Variants in ORC1 observed in about 807,000 individuals in gnomAD.
ORC1 encodes the protein origin recognition complex, subunit 1 homolog.
Under a neutral mutation model 98.9 loss-of-function variants are expected in ORC1, and 61 were observed. The observed-to-expected ratio is 0.62, with a 90% CI of 0.50 to 0.76. The LOEUF is 0.76. Ranked by LOEUF, ORC1 falls within the 30% of genes least tolerant of loss-of-function variation. ORC1 has a pLI of 0.00. For synonymous variants in ORC1, 385 were observed against 406.9 expected (o/e 0.95, Z 0.65); for missense variants, 979 against 1,072.2 (o/e 0.91, Z 1.21).
upstream of ORC1, chr1:52,408,765 T>C (rs1569975368): frequency 2.9e-5 from 44 of 1,543,258 alleles, no homozygotes; most frequent in East Asian, 9.7e-4. Context: ...TACCTTTGCA[T>C]TGTCATAGAC....
intron 4 of ORC1, among the ~76,000 whole-genome samples, chr1:52,397,421 T>G (rs1046808699): frequency 6.6e-6 from 1 of 152,090 alleles, no homozygotes; most frequent in Non-Finnish European, 1.5e-5. Flanking sequence ...AAATATAACA[T>G]CCCCCTGAGA....
chr1:52,389,198 T>A lies in ORC1; in HGVS notation c.1187+19A>T, dbSNP rs778578804. 3.2e-6 allele frequency: 5 copies of A among 1,569,722 alleles called. No homozygotes were observed. Among genetic ancestry groups the A allele is most frequent in the Non-Finnish European group, 4.4e-6 (5 of 1,139,618 alleles). ...GAGATGGCAGCAATGTTTCTCTGCCTGCCAAGGAGTAGTCTTACCGAAGCT... is the reference window on the plus strand; with the variant it reads ...GAGATGGCAGCAATGTTTCTCTGCCAGCCAAGGAGTAGTCTTACCGAAGCT... On this transcript the variant is annotated intron_variant, in intron 7 of 16. Transcript: ENST00000371568.
At chr1:52,383,984 C>G (rs750741836) in intron 11 of ORC1, 47 bp from the exon 12 acceptor site, 1 of 1,506,826 alleles carries the variant, frequency 6.6e-7, no homozygotes, top group Non-Finnish European at 9.2e-7. Context: ...GGGTCTTACT[C>G]CCTTGGGCTT....
At chr1:52,404,583 C>G (rs538609147), upstream of ORC1, 71 of 613,272 alleles carry the variant, frequency 1.2e-4, no homozygotes, top group Admixed American at 2.1e-4. Context: ...ATAGGCGACG[C>G]GGGGAGCGGA....
At chr1:52,398,099 G>C (rs1442580880) in intron 3 of ORC1, among the ~76,000 whole-genome samples, 2 of 151,864 alleles carry the variant, frequency 1.3e-5, no homozygotes, top group African/African-American at 4.8e-5. Flanking sequence ...GAGTAGCTGA[G>C]ATTACAGGCA....
At chr1:52,396,650 A>G (rs1647413548) in intron 4 of ORC1, among the ~76,000 whole-genome samples, 2 of 152,044 alleles carry the variant, frequency 1.3e-5, no homozygotes, top group African/African-American at 2.4e-5. Context: ...TTCATCTCTC[A>G]ATTCCTATTA....
Position 52,393,777 on chromosome 1 carries a change from G to T in ORC1, c.748C>A (p.Gln250Lys). The T allele has an allele frequency of 1.9e-6, 3 of 1,613,752 alleles. No homozygotes were observed. The highest frequency in any genetic ancestry group is 2.5e-6 in the Non-Finnish European group (3 of 1,180,002). Residue 250 changes from glutamine (Q) to lysine (K), a missense_variant, in exon 6 of 17, where the codon CAG (glutamine) becomes AAG (lysine). Gln to Lys is a moderately conservative substitution (Grantham distance 53, BLOSUM62 1). Coordinates refer to ENST00000371568, the MANE Select transcript of ORC1 (RefSeq NM_004153.4). ...GAATCCAAGGAGGCACATGAAGTCT[G>T]CTGGGACATCTGAGGGTTACCTAAG... is the stretch of plus-strand genomic sequence containing the variant. ...GNLGNPQMSQ[Q>K]TSCASLDSPG...
Position 52,397,798 on chromosome 1 carries a change from C to T in ORC1, c.289G>A (p.Ala97Thr), listed in dbSNP as rs370667339. The T allele has an allele frequency of 1.2e-6, 2 of 1,614,178 alleles. No individual in the cohort carries two copies. The highest frequency in any genetic ancestry group is 2.2e-5 in the South Asian group (2 of 91,082). Residue 97 changes from alanine (A) to threonine (T), a missense_variant, in exon 4 of 17, where the codon GCC becomes ACC. By Grantham distance (58) the Ala-to-Thr change is moderately conservative. Coordinates refer to ENST00000371568, the MANE Select transcript of ORC1 (RefSeq NM_004153.4). ...QWFVRFCEVP[A>T]CKRHLLGRKP... ...CGGCCCAACAAATGCCGTTTACAGGCAGGGACTTCACAGAATCGGACAAAC... is the reference window on the plus strand; with the variant it reads ...CGGCCCAACAAATGCCGTTTACAGGTAGGGACTTCACAGAATCGGACAAAC...
At chr1:52,394,826 T>A (rs945337525) in intron 5 of ORC1, among the ~76,000 whole-genome samples, 1 of 152,112 alleles carries the variant, frequency 6.6e-6, no homozygotes, top group Non-Finnish European at 1.5e-5. Context: ...TTTTTTGCAT[T>A]TTTAGTAGAG....
intron 12 of ORC1, 38 bp downstream of exon 12, chr1:52,383,792 G>T: frequency 6.5e-7 from 1 of 1,538,028 alleles, no homozygotes; most frequent in Non-Finnish European, 9.0e-7. Flanking sequence ...CTGAGGTACA[G>T]CCCTGTTTCT....
chr1:52,404,595 G>A (rs1396646379), upstream of ORC1: 1 of 692,696 alleles, frequency 1.4e-6, no homozygotes, highest in Non-Finnish European at 2.3e-6. Context: ...GGGAGCGGAA[G>A]CCCTTTACAC....
At chr1:52,404,604 A>G (rs1163053087), upstream of ORC1, 8 of 803,254 alleles carry the variant, frequency 1.0e-5, no homozygotes, top group Non-Finnish European at 9.6e-6. Context: ...AGCCCTTTAC[A>G]CTACGGTGTT....
In ORC1 at chr1:52,396,376, A is replaced by G; in HGVS notation, c.403-12T>C. On this transcript the variant is annotated splice_polypyrimidine_tract_variant and intron_variant, in intron 4 of 16. Coordinates refer to ENST00000371568, the MANE Select transcript of ORC1 (RefSeq NM_004153.4). Reference sequence around the variant, plus strand: ...GCTAAAGGTATCACCTGAATTTAGGAAGTATAGATAAGTAGGAAGAGATGA... The same window carrying G: ...GCTAAAGGTATCACCTGAATTTAGGGAGTATAGATAAGTAGGAAGAGATGA... 6.2e-7 allele frequency: 1 copy of G among 1,614,036 alleles called. No homozygotes were observed. The highest frequency in any genetic ancestry group is 8.5e-7 in the Non-Finnish European group (1 of 1,179,990).
intron 9 of ORC1, 85 bp downstream of exon 9, chr1:52,385,767 G>T: frequency 1.2e-6 from 1 of 863,186 alleles, no homozygotes; most frequent in East Asian, 2.5e-5. Context: ...TTATTAGGTA[G>T]ACCAGTGACT....
chr1:52,390,162 C>G (rs1342924422), intron 6 of ORC1, among the ~76,000 whole-genome samples: 3 of 152,156 alleles, frequency 2.0e-5, no homozygotes, highest in East Asian at 3.8e-4. Flanking sequence ...CATCAAAATA[C>G]TATCATCATT....
At chr1:52,381,534 A>T in intron 14 of ORC1, 108 bp downstream of exon 14, 1 of 1,190,484 alleles carries the variant, frequency 8.4e-7, no homozygotes. Context: ...TTTTTACACG[A>T]CTTTCTAAAT....
At position 52,384,511 on chromosome 1, in the gene ORC1, A is replaced by C. The variant is rs1013163254; in HGVS notation, c.1755+39T>G. On this transcript the variant is annotated intron_variant, in intron 11 of 16. Transcript: ENST00000371568. ...CTTTCCTTTTTCATGTGTCACGAAG[A>C]AACAGCATTTTCCAAAAAGCCTAAA... The C allele has an allele frequency of 3.1e-6, 5 of 1,590,318 alleles. No homozygotes were observed. The Admixed American group carries it at 5.0e-5, about 16-fold the overall frequency.
rs751976743 is a variant in ORC1 at position 52,383,838 on chromosome 1, C to T, written c.1855G>A (p.Val619Met). Residue 619 changes from valine (V) to methionine (M), a missense_variant, in exon 12 of 17, where the codon GTG (valine) becomes ATG (methionine). By Grantham distance (21) the Val-to-Met change is conservative (BLOSUM62 1). Transcript: ENST00000371568. Reference protein sequence around the residue: ...GSPQETTVLLVDELDLLWTHK... With the variant: ...GSPQETTVLLMDELDLLWTHK... ...GCCCATGGGCACCTCACCTCATCCA[C>T]AAGCAGGACGGTGGTTTCCTGAGGT... The T allele has an allele frequency of 3.7e-6, 6 of 1,613,718 alleles. No homozygotes were observed. The South Asian group carries it at 6.6e-5, about 18-fold the overall frequency.
intron 6 of ORC1, among the ~76,000 whole-genome samples, chr1:52,390,160 T>C (rs1033068463): frequency 2.4e-4 from 36 of 152,284 alleles, no homozygotes; most frequent in African/African-American, 8.7e-4. Context: ...CCCATCAAAA[T>C]ACTATCATCA....
Sources: gnomAD v4.1 joint callset for allele counts (sites outside exome capture counted in the v4.1 genomes callset) on GRCh38, gnomAD v4.1.1 for gene constraint, MANE v1.5 for transcripts, NCBI Gene and HGNC (gene_info 2026-07-23, HGNC 2026-07-21) for gene names.